MYO18B: variants seen among roughly 807,000 people sequenced by gnomAD.
The protein encoded by MYO18B is unconventional myosin-XVIIIb.
Under a neutral mutation model 273.0 loss-of-function variants are expected in MYO18B, and 204 were observed. The observed-to-expected ratio is 0.75, with a 90% CI of 0.67 to 0.84. The LOEUF (loss-of-function observed/expected upper bound fraction) is 0.84. Among genes scored for constraint, MYO18B ranks in the 40% least tolerant of loss-of-function variants. The pLI, the probability that MYO18B is intolerant of heterozygous loss-of-function variation, is 0.00. For synonymous variants in MYO18B, 1,330 were observed against 1,305.7 expected, an observed-to-expected ratio of 1.02 and a Z score of -0.40; for missense variants, 3,212 against 3,287.6, an observed-to-expected ratio of 0.98 and a Z score of 0.56.
chr22:25,807,216 C>A (rs1280317577), intron 12 of MYO18B, among the ~76,000 whole-genome samples: 1 of 152,176 alleles, frequency 6.6e-6, no homozygotes, highest in African/African-American at 2.4e-5. Context: ...GAATCCAGTT[C>A]TAGACTCTCA....
At chr22:26,032,614 C>G (rs560097781), downstream of MYO18B, among the ~76,000 whole-genome samples, 2 of 151,182 alleles carry the variant, frequency 1.3e-5, no homozygotes, top group Non-Finnish European at 2.9e-5. Flanking sequence ...CTCTGCCTCC[C>G]GGGTTCAAGC....
chr22:25,898,330 T>C lies in MYO18B; in HGVS notation c.4692T>C (p.Tyr1564=), dbSNP rs1569166108. 1 of 1,613,910 alleles carries C rather than the reference T, an allele frequency of 6.2e-7. No individual in the cohort carries two copies. The highest frequency in any genetic ancestry group is 8.5e-7 in the Non-Finnish European group (1 of 1,179,840). Residue 1564 remains tyrosine (Y), a synonymous_variant, in exon 29 of 44, where the codon TAT becomes TAC. Transcript: ENST00000335473. ...AGCTTGGGGAGTTGCAAAGTGCTTA[T>C]GACGGGGCCAAGAAGATGGCTCACC... ...EQKLGELQSA[Y]DGAKKMAHQL... is the part of the protein sequence containing the mutation.
intron 6 of MYO18B, among the ~76,000 whole-genome samples, chr22:25,772,063 G>T (rs2086739756): frequency 6.6e-6 from 1 of 152,216 alleles, no homozygotes; most frequent in South Asian, 2.1e-4. Context: ...TCTGCCTTGG[G>T]AGCGTCTCCC....
chr22:25,937,215 C>T (rs763945369), intron 34 of MYO18B, among the ~76,000 whole-genome samples: 1 of 151,952 alleles, frequency 6.6e-6, no homozygotes, highest in Non-Finnish European at 1.5e-5. Context: ...TCCCGAATAG[C>T]TGGGATTAAT....
At chr22:26,007,469 C>G (rs913162704) in intron 42 of MYO18B, among the ~76,000 whole-genome samples, 7 of 152,180 alleles carry the variant, frequency 4.6e-5, no homozygotes, top group African/African-American at 1.7e-4. Flanking sequence ...GTAGACCACT[C>G]ACCTGGTAAA....
chr22:25,815,650 TC>T (rs2088967892), intron 12 of MYO18B, among the ~76,000 whole-genome samples: 1 of 152,172 alleles, frequency 6.6e-6, no homozygotes, highest in African/African-American at 2.4e-5. Context: ...TGCCTCCTTA[TC>T]CATCTTTCTC....
chr22:25,971,905 G>A (rs1333244032), intron 39 of MYO18B, among the ~76,000 whole-genome samples: 1 of 151,838 alleles, frequency 6.6e-6, no homozygotes, highest in Non-Finnish European at 1.5e-5. Context: ...AGACTTATGT[G>A]TGCTGATACT....
intron 34 of MYO18B, among the ~76,000 whole-genome samples, chr22:25,943,522 C>A (rs62227570): frequency 6.6e-6 from 1 of 151,838 alleles, no homozygotes; most frequent in African/African-American, 2.4e-5. Context: ...ATGTGACCCG[C>A]GTCCACATCT....
intron 25 of MYO18B, among the ~76,000 whole-genome samples, chr22:25,879,060 G>A (rs576078237): frequency 2.0e-5 from 3 of 152,362 alleles, no homozygotes; most frequent in Admixed American, 1.3e-4. Context: ...GAGTGAAAAT[G>A]AATGAAGAGA....
At chr22:25,999,607 TTCTC>T in intron 40 of MYO18B, among the ~76,000 whole-genome samples, 1 of 128,798 alleles carries the variant, frequency 7.8e-6, no homozygotes, top group Non-Finnish European at 1.6e-5. Flanking sequence ...TTTCTCCTCC[TTCTC>T]CTTCTCTTCC....
intron 1 of MYO18B, among the ~76,000 whole-genome samples, chr22:25,757,003 G>C (rs1054754734): frequency 7.9e-5 from 12 of 152,232 alleles, no homozygotes; most frequent in African/African-American, 2.9e-4. Flanking sequence ...GGAGGTTGCA[G>C]TGAGCCGAGA....
intron 5 of MYO18B, 112 bp from the exon 6 acceptor site, chr22:25,770,760 C>T (rs1169164435): frequency 1.4e-6 from 1 of 738,784 alleles, no homozygotes; most frequent in Non-Finnish European, 2.3e-6. Context: ...AGCCTTCTCC[C>T]AAGCTTGCTG....
intron 12 of MYO18B, among the ~76,000 whole-genome samples, chr22:25,811,708 G>A (rs960383138): frequency 1.3e-5 from 2 of 152,104 alleles, no homozygotes; most frequent in Admixed American, 6.5e-5. Flanking sequence ...CAGCTGCAGG[G>A]GACTGTCCAG....
At chr22:25,860,095 C>A (rs1255517807) in intron 21 of MYO18B, among the ~76,000 whole-genome samples, 1 of 152,164 alleles carries the variant, frequency 6.6e-6, no homozygotes, top group South Asian at 2.1e-4. Context: ...AGACTATTAT[C>A]ATTTCTCCCA....
At chr22:25,958,870 T>C (rs1004011934) in intron 39 of MYO18B, among the ~76,000 whole-genome samples, 1 of 152,198 alleles carries the variant, frequency 6.6e-6, no homozygotes, top group Non-Finnish European at 1.5e-5. Flanking sequence ...TGCCATATGT[T>C]CTCTCTAAAC....
chr22:26,060,473 T>C, the MYO18B span, among the ~76,000 whole-genome samples: 1 of 152,210 alleles, frequency 6.6e-6, no homozygotes, highest in African/African-American at 2.4e-5. Context: ...AAAGGAGCTG[T>C]CTCCCACAGG....
At position 25,950,263 on chromosome 22, in the gene MYO18B, T is replaced by C. The variant is rs537141479; in HGVS notation, c.5749-104T>C. 3.2e-5 allele frequency: 28 copies of C among 885,350 alleles called. No individual in the cohort carries two copies. The Admixed American group carries it at 4.3e-4, about 14-fold the overall frequency. 54.8% of individuals were successfully genotyped at this position (885,350 alleles called of 1,614,324 possible). On this transcript the variant is annotated intron_variant, in intron 36 of 43. Coordinates refer to ENST00000335473, the MANE Select transcript of MYO18B (RefSeq NM_032608.7). ...ATTATCATAGAAGCTCTGAGAGATG[T>C]AGACATCTGTGGGTGGGGAAAGTAG...
chr22:25,838,126 T>C (rs1365523691), intron 17 of MYO18B, among the ~76,000 whole-genome samples: 2 of 150,390 alleles, frequency 1.3e-5, no homozygotes, highest in African/African-American at 4.9e-5. Flanking sequence ...AATTCTTTAA[T>C]ATATGCCTAT....
chr22:25,790,808 G>A (rs2087628678), intron 11 of MYO18B, among the ~76,000 whole-genome samples: 1 of 152,132 alleles, frequency 6.6e-6, no homozygotes, highest in Non-Finnish European at 1.5e-5. Flanking sequence ...CCCACTCCTT[G>A]GGTCCTGGGA....
Sources: gnomAD v4.1 joint callset for allele counts (sites outside exome capture counted in the v4.1 genomes callset) on GRCh38, gnomAD v4.1.1 for gene constraint, MANE v1.5 for transcripts, NCBI Gene and HGNC (gene_info 2026-07-23, HGNC 2026-07-21) for gene names.